FHIT: variants seen among roughly 807,000 people sequenced by gnomAD.
The protein encoded by FHIT is bis(5'-adenosyl)-triphosphatase.
Under a neutral mutation model 17.9 loss-of-function variants are expected in FHIT, and 19 were observed. The ratio of observed to expected loss-of-function variants is 1.06; its 90% CI spans 0.74 to 1.56. The LOEUF (loss-of-function observed/expected upper bound fraction) is 1.56. Ranked by LOEUF, FHIT falls within the 40% of genes most tolerant of loss-of-function variation. FHIT has a pLI of 0.00. For synonymous variants in FHIT, 81 were observed against 69.7 expected (o/e 1.16, Z -0.81); for missense variants, 248 against 189.2 (o/e 1.31, Z -1.82).
At chr3:60,158,875 G>C (rs538365235) in intron 5 of FHIT, among the ~76,000 whole-genome samples, 2 of 151,784 alleles carry the variant, frequency 1.3e-5, no homozygotes, top group Non-Finnish European at 2.9e-5. Context: ...CTCCAAATTC[G>C]TTCTAACACC....
At chr3:59,872,546 T>C (rs1273159534) in intron 8 of FHIT, among the ~76,000 whole-genome samples, 2 of 152,194 alleles carry the variant, frequency 1.3e-5, no homozygotes, top group Admixed American at 1.3e-4. Context: ...ACAATGTCTG[T>C]TATTAACAGA....
At chr3:60,117,494 T>TAAAAAAAAAAA (rs34113926) in intron 5 of FHIT, among the ~76,000 whole-genome samples, 2 of 86,766 alleles carry the variant, frequency 2.3e-5, no homozygotes, top group Non-Finnish European at 4.4e-5. Flanking sequence ...ACTTCCTATC[T>TAAAAAAAAAAA]AAAAAAAAAA....
At chr3:60,970,188 A>G (rs1053923009) in intron 3 of FHIT, among the ~76,000 whole-genome samples, 2 of 152,188 alleles carry the variant, frequency 1.3e-5, no homozygotes, top group Admixed American at 1.3e-4. Flanking sequence ...AATCCCAACT[A>G]AGGCTGAAGA....
intron 5 of FHIT, among the ~76,000 whole-genome samples, chr3:60,135,306 AAT>A (rs560999485): frequency 7.9e-5 from 12 of 152,088 alleles, no homozygotes; most frequent in Non-Finnish European, 1.8e-4. Context: ...AAATAGCATA[AAT>A]ATAAGATTAT....
At chr3:60,729,080 A>G (rs372862186) in intron 4 of FHIT, among the ~76,000 whole-genome samples, 2 of 152,092 alleles carry the variant, frequency 1.3e-5, no homozygotes, top group East Asian at 3.9e-4. Flanking sequence ...AAAAACAAAA[A>G]CCCTAGTGCT....
At chr3:60,613,199 G>A (rs1194995394) in intron 4 of FHIT, among the ~76,000 whole-genome samples, 3 of 152,080 alleles carry the variant, frequency 2.0e-5, no homozygotes, top group Non-Finnish European at 4.4e-5. Flanking sequence ...AGGTCAGAAG[G>A]GTCTTCAGGT....
At chr3:60,358,641 G>C (rs1206416606) in intron 5 of FHIT, among the ~76,000 whole-genome samples, 6 of 152,172 alleles carry the variant, frequency 3.9e-5, no homozygotes, top group Non-Finnish European at 8.8e-5. Flanking sequence ...ACATTGCTAA[G>C]TAAAGAAGGG....
Position 60,778,988 on chromosome 3 carries a change from C to T in FHIT, c.-18+42931G>A, listed in dbSNP as rs527620380. Among the ~76,000 whole-genome samples, 5 of 152,288 alleles carry T rather than the reference C, an allele frequency of 3.3e-5. No individual in the cohort carries two copies. The South Asian group carries it at 1.0e-3, about 32-fold the overall frequency. ...GTGGGACCTTAAGAGGAGAGGATCA[C>T]CCAACTCACAGGTATTTGAGGATGC... On this transcript the variant is annotated intron_variant, in intron 4 of 9. Coordinates refer to ENST00000492590, the MANE Select transcript of FHIT (RefSeq NM_002012.4).
intron 1 of FHIT, among the ~76,000 whole-genome samples, chr3:61,238,278 C>G (rs1375515598): frequency 2.0e-5 from 3 of 152,130 alleles, no homozygotes; most frequent in Admixed American, 2.0e-4. Context: ...CCCATGCAGC[C>G]AAGACTCAGC....
intron 4 of FHIT, among the ~76,000 whole-genome samples, chr3:60,675,885 A>G (rs1470616841): frequency 6.6e-6 from 1 of 152,236 alleles, no homozygotes; most frequent in Non-Finnish European, 1.5e-5. Flanking sequence ...AGGAGAGAGT[A>G]TATGTTTAGG....
intron 7 of FHIT, among the ~76,000 whole-genome samples, chr3:60,007,016 G>A (rs759486595): frequency 7.0e-4 from 106 of 152,058 alleles, no homozygotes; most frequent in Non-Finnish European, 2.8e-4. Flanking sequence ...TTCCCACTGC[G>A]TTAATACTAT....
At chr3:61,205,343 G>A (rs1343863160) in intron 1 of FHIT, among the ~76,000 whole-genome samples, 1 of 152,140 alleles carries the variant, frequency 6.6e-6, no homozygotes, top group African/African-American at 2.4e-5. Flanking sequence ...ACCCAGTAAT[G>A]AGATGGCTGA....
chr3:60,627,824 G>A (rs1368237922), intron 4 of FHIT, among the ~76,000 whole-genome samples: 2 of 152,234 alleles, frequency 1.3e-5, no homozygotes, highest in East Asian at 3.9e-4. Flanking sequence ...GCCTGGCCAG[G>A]TCCCACTTTT....
chr3:60,353,078 A>G lies in FHIT; in HGVS notation c.103+183782T>C, dbSNP rs149627275. On this transcript the variant is annotated intron_variant, in intron 5 of 9. Coordinates refer to ENST00000492590, the MANE Select transcript of FHIT (RefSeq NM_002012.4). ...TTATTTCAACAGTTTAACAAGATAA[A>G]TTTGAAATCATTTTTCCTAAAAAAA... Among the ~76,000 whole-genome samples, 74 of 152,324 alleles carry G rather than the reference A, an allele frequency of 4.9e-4. 1 individual carries two copies. The highest frequency in any genetic ancestry group is 1.7e-3 in the African/African-American group (70 of 41,578).
At chr3:60,350,178 A>C (rs2106939545) in intron 5 of FHIT, among the ~76,000 whole-genome samples, 1 of 152,288 alleles carries the variant, frequency 6.6e-6, no homozygotes, top group Middle Eastern at 3.4e-3. Flanking sequence ...GTCAGTTGCA[A>C]CTGGGGAACT....
intron 5 of FHIT, among the ~76,000 whole-genome samples, chr3:60,241,042 TAGTG>T (rs1281134890): frequency 6.6e-6 from 1 of 152,158 alleles, no homozygotes; most frequent in Non-Finnish European, 1.5e-5. Context: ...AAACTTATCA[TAGTG>T]AGTATCTTTT....
chr3:60,916,086 T>A (rs1706987571), intron 3 of FHIT, among the ~76,000 whole-genome samples: 1 of 152,182 alleles, frequency 6.6e-6, no homozygotes, highest in Admixed American at 6.5e-5. Context: ...TAGACCCATT[T>A]TTGTGATGGT....
chr3:60,066,630 A>ATTTTTTTTTTTTTTTTT lies in FHIT; in HGVS notation c.104-52495_104-52479dup, dbSNP rs71089574. Among the ~76,000 whole-genome samples, 11 of 51,420 alleles carry ATTTTTTTTTTTTTTTTT rather than the reference A, an allele frequency of 2.1e-4. 1 individual carries two copies. The highest frequency in any genetic ancestry group is 3.6e-4 in the Admixed American group (1 of 2,816). 33.7% of individuals were successfully genotyped at this position (51,420 alleles called of 152,430 possible). On this transcript the variant is annotated intron_variant, in intron 5 of 9. Coordinates refer to ENST00000492590, the MANE Select transcript of FHIT (RefSeq NM_002012.4). ...ATAGGTTGATTTTAATCCCTGACAAATTTTTTTTTTTTTTTTTTTTTTTTT... is the reference window on the plus strand; with the variant it reads ...ATAGGTTGATTTTAATCCCTGACAAATTTTTTTTTTTTTTTTTTTTTTTTTTTTTTTTTTTTTTTTTT...
At chr3:60,195,595 A>G (rs1362373582) in intron 5 of FHIT, among the ~76,000 whole-genome samples, 1 of 103,058 alleles carries the variant, frequency 9.7e-6, no homozygotes, top group African/African-American at 3.8e-5. Context: ...ATTTATATAT[A>G]ATTATATATA....
Sources: gnomAD v4.1 joint callset for allele counts (sites outside exome capture counted in the v4.1 genomes callset) on GRCh38, gnomAD v4.1.1 for gene constraint, MANE v1.5 for transcripts, NCBI Gene and HGNC (gene_info 2026-07-23, HGNC 2026-07-21) for gene names.